The following FDX1 variants were observed in gnomAD, a reference collection of about 807,000 sequenced individuals.
FDX1 encodes the protein ferredoxin 1.
A neutral mutation model predicts 14.9 loss-of-function variants in FDX1; 9 were observed. The ratio of observed to expected loss-of-function variants is 0.60; its 90% CI spans 0.36 to 1.05. FDX1 has a LOEUF of 1.05. FDX1 is among the 50% of genes least tolerant of loss of function. The probability of loss-of-function intolerance (pLI) is 0.01; values close to 1 mark genes in which losing one functional copy is unlikely to be tolerated. For synonymous variants in FDX1, 92 were observed against 99.4 expected, an observed-to-expected ratio of 0.93 and a Z score of 0.44; for missense variants, 204 against 237.2, an observed-to-expected ratio of 0.86 and a Z score of 0.92.
chr11:110,434,305 G>T (rs914768114), intron 1 of FDX1, among the ~76,000 whole-genome samples: 2 of 150,294 alleles, frequency 1.3e-5, no homozygotes, highest in East Asian at 3.9e-4. Context: ...AGTATTCTAT[G>T]TAGCACTGGA....
Position 110,462,567 on chromosome 11 carries a change from A to C in FDX1, c.*99A>C, listed in dbSNP as rs918012359. 7.5e-6 allele frequency: 4 copies of C among 535,020 alleles called. No individual in the cohort carries two copies. Among genetic ancestry groups the C allele is most frequent in the African/African-American group, 3.8e-5 (2 of 53,162 alleles). 33.1% of individuals were successfully genotyped at this position (535,020 alleles called of 1,614,324 possible). On this transcript the variant is annotated 3_prime_UTR_variant, in exon 4 of 4. Coordinates refer to ENST00000260270, the MANE Select transcript of FDX1 (RefSeq NM_004109.5). ...GAGAACATGGATGAGTGGACTTCAT[A>C]TTATGACTAGCTTTACTATTTTAAT...
intron 2 of FDX1, among the ~76,000 whole-genome samples, chr11:110,445,859 A>T (rs1191117530): frequency 1.3e-5 from 2 of 152,212 alleles, no homozygotes; most frequent in East Asian, 3.8e-4. Flanking sequence ...TTGTTAACAT[A>T]GGTATTAATA....
At chr11:110,451,037 GTTGT>G (rs369691902) in intron 2 of FDX1, among the ~76,000 whole-genome samples, 8 of 151,128 alleles carry the variant, frequency 5.3e-5, no homozygotes, top group African/African-American at 1.9e-4. Flanking sequence ...CCTTGTAGTT[GTTGT>G]TTGTTACTTT....
intron 2 of FDX1, among the ~76,000 whole-genome samples, chr11:110,436,724 A>G (rs1204595592): frequency 1.3e-5 from 2 of 152,140 alleles, no homozygotes; most frequent in South Asian, 2.1e-4. Flanking sequence ...CAAGGAGCGT[A>G]TCTGACTCTG....
chr11:110,449,019 G>A (rs1361694456), intron 2 of FDX1, among the ~76,000 whole-genome samples: 1 of 152,146 alleles, frequency 6.6e-6, no homozygotes, highest in East Asian at 1.9e-4. Flanking sequence ...ATTTTAAACT[G>A]TGGTTATAAT....
intron 2 of FDX1, among the ~76,000 whole-genome samples, chr11:110,445,884 A>T (rs78090813): frequency 1.3e-5 from 2 of 152,220 alleles, no homozygotes; most frequent in Admixed American, 6.5e-5. Flanking sequence ...TTCATTGTTC[A>T]TTATAGCAAA....
At position 110,435,902 on chromosome 11, in the gene FDX1, T is replaced by C. The variant is rs139446247; in HGVS notation, c.254T>C (p.Val85Ala). The C allele has an allele frequency of 1.4e-4, 224 of 1,612,436 alleles. No homozygotes were observed. The African/African-American group carries it at 2.7e-3, about 20-fold the overall frequency. The change falls in exon 2 of 4, where the codon GTT becomes GCT. Residue 85 changes from valine to alanine, a missense_variant. Coordinates refer to ENST00000260270, the MANE Select transcript of FDX1 (RefSeq NM_004109.5). ...DGETLTTKGK[V>A]GDSLLDVVVE... Reference sequence around the variant, plus strand: ...GAAACATTAACAACCAAAGGAAAAGTTGGTGATTCTCTGCTAGATGTTGTG... The same window carrying C: ...GAAACATTAACAACCAAAGGAAAAGCTGGTGATTCTCTGCTAGATGTTGTG...
intron 2 of FDX1, among the ~76,000 whole-genome samples, chr11:110,440,832 G>A (rs7935342): frequency 0.31 from 46,936 of 152,052 alleles, 7,449 homozygotes; most frequent in East Asian, 0.38. Flanking sequence ...AAGACATTAC[G>A]GTAGGAATAT....
chr11:110,430,057 T>G lies in FDX1; in HGVS notation c.-64T>G. On this transcript the variant is annotated 5_prime_UTR_variant, in exon 1 of 4. Coordinates refer to ENST00000260270, the MANE Select transcript of FDX1 (RefSeq NM_004109.5). ...CGCCGCAGCTGCCGCCCCCGCCTCTTTGGAGTCTCTCGCGGCCTCAAAGCG... is the reference window on the plus strand; with the variant it reads ...CGCCGCAGCTGCCGCCCCCGCCTCTGTGGAGTCTCTCGCGGCCTCAAAGCG... The G allele has an allele frequency of 8.8e-7, 1 of 1,134,144 alleles. No individual in the cohort carries two copies. The highest frequency in any genetic ancestry group is 1.1e-6 in the Non-Finnish European group (1 of 906,838). The allele number at this position is 1,134,144 out of a possible 1,614,324, so 70.3% of individuals were successfully genotyped here.
chr11:110,435,940 C>T lies in FDX1; in HGVS notation c.292C>T (p.Leu98=). 1 of 1,611,230 alleles carries T rather than the reference C, an allele frequency of 6.2e-7. No homozygotes were observed. The highest frequency in any genetic ancestry group is 1.1e-5 in the South Asian group (1 of 90,230). The change falls in exon 2 of 4, where the codon CTA becomes TTA. Residue 98 remains leucine (L), a synonymous_variant. Coordinates refer to ENST00000260270, the MANE Select transcript of FDX1 (RefSeq NM_004109.5). ...SLLDVVVENN[L]DIDGFGACEG... ...GCTAGATGTTGTGGTTGAAAATAAT[C>T]TAGATATTGATGGCTTTGGTGAGTA...
intron 2 of FDX1, among the ~76,000 whole-genome samples, chr11:110,447,949 A>G (rs1188917901): frequency 6.6e-6 from 1 of 152,232 alleles, no homozygotes; most frequent in Non-Finnish European, 1.5e-5. Context: ...TCCTCATTGT[A>G]TACGAAATGA....
intron 2 of FDX1, among the ~76,000 whole-genome samples, chr11:110,442,084 T>G (rs2134680065): frequency 6.6e-6 from 1 of 152,250 alleles, no homozygotes; most frequent in African/African-American, 2.4e-5. Flanking sequence ...TGTACAGAAG[T>G]CAAGAACTGG....
At chr11:110,457,114 T>A (rs1946527454) in intron 3 of FDX1, 67 bp downstream of exon 3, 1 of 1,439,010 alleles carries the variant, frequency 6.9e-7, no homozygotes, top group African/African-American at 1.4e-5. Flanking sequence ...TTATGTTGTC[T>A]ATGTAAGACC....
At chr11:110,454,350 C>G (rs1946508209) in intron 2 of FDX1, among the ~76,000 whole-genome samples, 1 of 152,180 alleles carries the variant, frequency 6.6e-6, no homozygotes, top group African/African-American at 2.4e-5. Context: ...GTTGGTAACT[C>G]TTCCTTTCGA....
chr11:110,446,605 T>A (rs1185426438), intron 2 of FDX1, among the ~76,000 whole-genome samples: 1 of 152,182 alleles, frequency 6.6e-6, no homozygotes, highest in Non-Finnish European at 1.5e-5. Flanking sequence ...CTTTCCTACC[T>A]CAGTAATGAG....
intron 2 of FDX1, among the ~76,000 whole-genome samples, chr11:110,436,253 G>A (rs946286850): frequency 7.2e-5 from 11 of 152,126 alleles, no homozygotes; most frequent in African/African-American, 1.4e-4. Flanking sequence ...AAGATACCAG[G>A]TTAGAGAGAA....
intron 2 of FDX1, among the ~76,000 whole-genome samples, 190 bp downstream of exon 2, chr11:110,436,148 A>G (rs1394085272): frequency 6.6e-6 from 1 of 152,004 alleles, no homozygotes; most frequent in East Asian, 1.9e-4. Flanking sequence ...TGTTCTTTGT[A>G]CATTTAAATA....
chr11:110,448,566 T>A (rs575834818), intron 2 of FDX1, among the ~76,000 whole-genome samples: 17 of 152,304 alleles, frequency 1.1e-4, no homozygotes, highest in Non-Finnish European at 1.9e-4. Context: ...AGCAGAGCAG[T>A]CTGCAGAGAT....
At chr11:110,431,326 C>T (rs537679425) in intron 1 of FDX1, among the ~76,000 whole-genome samples, 6 of 152,172 alleles carry the variant, frequency 3.9e-5, no homozygotes, top group Non-Finnish European at 7.4e-5. Context: ...TAATGCAGAT[C>T]TCTCGACAGC....
Sources: allele counts gnomAD v4.1 joint callset (sites outside exome capture counted in the v4.1 genomes callset), GRCh38; gene constraint gnomAD v4.1.1; transcripts MANE v1.5; gene names NCBI Gene and HGNC (gene_info 2026-07-23, HGNC 2026-07-21).